The following DIAPH3 variants were observed in gnomAD, a reference collection of about 807,000 sequenced individuals.
The protein encoded by DIAPH3 is diaphanous related formin 3.
A neutral mutation model predicts 144.3 loss-of-function variants in DIAPH3; 117 were observed. That is an observed-to-expected ratio of 0.81 (90% CI 0.70 to 0.95). The LOEUF is 0.95. DIAPH3 is among the 40% of genes least tolerant of loss of function. DIAPH3 has a pLI of 0.00. For missense variants in DIAPH3, 1,421 were observed against 1,412.7 expected (o/e 1.01, Z -0.09); for synonymous variants, 519 against 488.9 (o/e 1.06, Z -0.81).
At chr13:59,741,316 A>G (rs973367824) in intron 27 of DIAPH3, among the ~76,000 whole-genome samples, 1 of 152,208 alleles carries the variant, frequency 6.6e-6, no homozygotes, top group African/African-American at 2.4e-5. Context: ...TATAGAGGGG[A>G]AAGAAAAAAA....
intron 27 of DIAPH3, among the ~76,000 whole-genome samples, chr13:59,747,643 C>T (rs949663559): frequency 6.6e-6 from 1 of 152,266 alleles, no homozygotes; most frequent in East Asian, 1.9e-4. Flanking sequence ...GGCCATATAA[C>T]CTCATGAGCA....
rs2051189090 is a variant in DIAPH3, at chr13:59,983,788, T to G, written c.1461A>C (p.Leu487Phe). 6.2e-7 allele frequency: 1 copy of G among 1,604,740 alleles called. No homozygotes were observed. Among genetic ancestry groups the G allele is most frequent in the African/African-American group, 1.3e-5 (1 of 74,554 alleles). ...ACTCACCTACAAACTGGGTTAAATCTAAATCTAGTCTTTTTCGATATGTGA... is the reference window on the plus strand; with the variant it reads ...ACTCACCTACAAACTGGGTTAAATCGAAATCTAGTCTTTTTCGATATGTGA... ...PDFTYRKRLD[L>F]DLTQFVDICI... Residue 487 changes from leucine to phenylalanine, a missense_variant, in exon 13 of 28, where the codon TTA becomes TTC. Leu to Phe is a conservative substitution (Grantham distance 22). Coordinates refer to ENST00000400324, the MANE Select transcript of DIAPH3 (RefSeq NM_001042517.2).
chr13:59,668,635 G>A (rs1022851985), intron 27 of DIAPH3, among the ~76,000 whole-genome samples: 1 of 152,136 alleles, frequency 6.6e-6, no homozygotes, highest in Non-Finnish European at 1.5e-5. Context: ...CAATAAATAT[G>A]TGTTGGGTAA....
chr13:60,033,276 C>T (rs184464390), intron 5 of DIAPH3, among the ~76,000 whole-genome samples: 1 of 152,338 alleles, frequency 6.6e-6, no homozygotes, highest in African/African-American at 2.4e-5. Flanking sequence ...CTGCCCATCA[C>T]CCAGTACCAA....
At chr13:60,044,014 GA>G (rs200132378) in intron 4 of DIAPH3, among the ~76,000 whole-genome samples, 1 of 150,336 alleles carries the variant, frequency 6.7e-6, no homozygotes, top group Non-Finnish European at 1.5e-5. Flanking sequence ...GCATATACAG[GA>G]AAAAAAAATG....
intron 17 of DIAPH3, among the ~76,000 whole-genome samples, chr13:59,966,708 G>T (rs2050068151): frequency 6.6e-6 from 1 of 152,092 alleles, no homozygotes; most frequent in Non-Finnish European, 1.5e-5. Flanking sequence ...CAGTTCCTTT[G>T]TTCTTACTAC....
intron 27 of DIAPH3, among the ~76,000 whole-genome samples, chr13:59,744,057 T>A (rs2036591416): frequency 6.6e-6 from 1 of 152,214 alleles, no homozygotes; most frequent in Non-Finnish European, 1.5e-5. Context: ...TCTAAACAAC[T>A]ATACGGGTCC....
At chr13:60,140,424 T>C (rs1180524648) in intron 1 of DIAPH3, among the ~76,000 whole-genome samples, 1 of 152,162 alleles carries the variant, frequency 6.6e-6, no homozygotes, top group East Asian at 1.9e-4. Flanking sequence ...GTAATCAGCC[T>C]GAGATTTCCC....
intron 1 of DIAPH3, among the ~76,000 whole-genome samples, chr13:60,137,103 A>T (rs977826146): frequency 1.3e-5 from 2 of 152,166 alleles, no homozygotes; most frequent in African/African-American, 4.8e-5. Flanking sequence ...TTTTCTCCCT[A>T]AAAAGTAAGG....
intron 27 of DIAPH3, among the ~76,000 whole-genome samples, chr13:59,692,309 A>T (rs2033571757): frequency 6.6e-6 from 1 of 151,958 alleles, no homozygotes; most frequent in Admixed American, 6.6e-5. Context: ...TAAATAAATA[A>T]TTATGAATTT....
chr13:59,827,086 A>T (rs2041478084), intron 24 of DIAPH3, among the ~76,000 whole-genome samples: 1 of 152,208 alleles, frequency 6.6e-6, no homozygotes, highest in Non-Finnish European at 1.5e-5. Flanking sequence ...ACCCTAGAAG[A>T]AAACCTAGGC....
intron 21 of DIAPH3, among the ~76,000 whole-genome samples, chr13:59,865,731 C>T (rs2043877292): frequency 6.6e-6 from 1 of 151,864 alleles, no homozygotes; most frequent in Non-Finnish European, 1.5e-5. Context: ...AGTAAAACTC[C>T]CTTGCAGTTA....
intron 2 of DIAPH3, among the ~76,000 whole-genome samples, chr13:60,119,144 T>G (rs368434536): frequency 2.6e-5 from 4 of 152,334 alleles, no homozygotes; most frequent in Middle Eastern, 3.4e-3. Context: ...TTTTCAAGAC[T>G]AGATCATAAA....
intron 3 of DIAPH3, among the ~76,000 whole-genome samples, chr13:60,109,888 T>C (rs1024097416): frequency 1.3e-5 from 2 of 152,188 alleles, no homozygotes. Context: ...CTAATAGTCA[T>C]ACAGAAACCA....
chr13:59,955,837 A>T (rs2049370071), intron 17 of DIAPH3, among the ~76,000 whole-genome samples: 1 of 152,244 alleles, frequency 6.6e-6, no homozygotes, highest in African/African-American at 2.4e-5. Context: ...CATGGAAATG[A>T]GGAACTTGTT....
chr13:59,892,337 T>G (rs2045855941), intron 20 of DIAPH3, among the ~76,000 whole-genome samples: 1 of 151,706 alleles, frequency 6.6e-6, no homozygotes, highest in African/African-American at 2.4e-5. Context: ...GTAGTAAAAG[T>G]TGGGATTAAA....
At chr13:59,673,392 A>G (rs1438746571) in intron 27 of DIAPH3, among the ~76,000 whole-genome samples, 1 of 152,036 alleles carries the variant, frequency 6.6e-6, no homozygotes, top group Non-Finnish European at 1.5e-5. Context: ...TTTCTCTCAC[A>G]TTTGCAACAT....
chr13:60,124,714 C>G (rs911616855), intron 2 of DIAPH3, among the ~76,000 whole-genome samples: 7 of 151,816 alleles, frequency 4.6e-5, no homozygotes, highest in African/African-American at 1.7e-4. Flanking sequence ...ATTAGCCAAG[C>G]AAGGTGGTGT....
intron 4 of DIAPH3, among the ~76,000 whole-genome samples, chr13:60,053,302 C>T (rs2056430285): frequency 6.6e-6 from 1 of 152,064 alleles, no homozygotes; most frequent in South Asian, 2.1e-4. Context: ...CTTAGAAAGC[C>T]TTATCCCCTG....
Sources: allele counts gnomAD v4.1 joint callset (sites outside exome capture counted in the v4.1 genomes callset), GRCh38; gene constraint gnomAD v4.1.1; transcripts MANE v1.5; gene names NCBI Gene and HGNC (gene_info 2026-07-23, HGNC 2026-07-21).